The following AGPS variants were observed in gnomAD, a reference collection of about 807,000 sequenced individuals.
AGPS encodes alkyldihydroxyacetonephosphate synthase, peroxisomal.
AGPS carries 26 observed loss-of-function variants against 90.7 expected under a neutral mutation model. That is an observed-to-expected ratio of 0.29 (90% CI 0.21 to 0.40). The LOEUF (loss-of-function observed/expected upper bound fraction) is 0.40. AGPS is among the 10% of genes least tolerant of loss of function. AGPS has a pLI of 1.00. For missense variants in AGPS, 540 were observed against 816.1 expected, an observed-to-expected ratio of 0.66 and a Z score of 4.12; for synonymous variants, 294 against 285.3, an observed-to-expected ratio of 1.03 and a Z score of -0.31.
chr2:177,497,042 C>T (rs1043333488), intron 12 of AGPS, among the ~76,000 whole-genome samples: 13 of 151,986 alleles, frequency 8.6e-5, no homozygotes, highest in African/African-American at 2.7e-4. Flanking sequence ...TGAGTCGTTA[C>T]TACTTTCTGA....
At chr2:177,533,485 T>C (rs2079155994) in intron 19 of AGPS, among the ~76,000 whole-genome samples, 1 of 152,162 alleles carries the variant, frequency 6.6e-6, no homozygotes, top group Non-Finnish European at 1.5e-5. Flanking sequence ...GCTGTACCTT[T>C]AGTAGCTTCT....
At position 177,522,662 on chromosome 2, in the gene AGPS, C is replaced by G. The variant is rs148101722; in HGVS notation, c.1798-1086C>G. On this transcript the variant is annotated intron_variant, in intron 18 of 19. Coordinates refer to ENST00000264167, the MANE Select transcript of AGPS (RefSeq NM_003659.4). ...TAGAGACAGGGTTTCACCAGTTGGC[C>G]AGGCTGGTCTCAAACTCCTGACCTC... 4.0e-3 allele frequency among the ~76,000 whole-genome samples: 612 copies of G among 152,246 alleles called. 5 individuals carry two copies. Among genetic ancestry groups the G allele is most frequent in the East Asian group, 0.032 (167 of 5,166 alleles).
chr2:177,502,623 GT>G (rs1322354302), intron 14 of AGPS, among the ~76,000 whole-genome samples: 3 of 151,748 alleles, frequency 2.0e-5, no homozygotes, highest in Non-Finnish European at 4.4e-5. Flanking sequence ...TAGAGATGGG[GT>G]TTTGCCATGT....
At chr2:177,406,697 T>A (rs1459585411) in intron 1 of AGPS, among the ~76,000 whole-genome samples, 1 of 152,368 alleles carries the variant, frequency 6.6e-6, no homozygotes, top group East Asian at 1.9e-4. Context: ...GTAGAAGCAA[T>A]GAACATGGAA....
Position 177,455,238 on chromosome 2 carries a change from C to T in AGPS, c.871-6655C>T, listed in dbSNP as rs192598276. On this transcript the variant is annotated intron_variant, in intron 8 of 19. Transcript: ENST00000264167. ...AGATCTCCAGGCACCTCTCTTTGTGCTGCTTTTTTCTGTACTTTTTCCTGT... is the reference window on the plus strand; with the variant it reads ...AGATCTCCAGGCACCTCTCTTTGTGTTGCTTTTTTCTGTACTTTTTCCTGT... Among the ~76,000 whole-genome samples, 764 of 152,254 alleles carry T rather than the reference C, an allele frequency of 5.0e-3. 6 individuals are homozygous for T. The highest frequency in any genetic ancestry group is 8.0e-3 in the Non-Finnish European group (547 of 68,024).
chr2:177,451,554 T>G (rs929280274), intron 8 of AGPS, among the ~76,000 whole-genome samples: 1 of 152,172 alleles, frequency 6.6e-6, no homozygotes, highest in African/African-American at 2.4e-5. Context: ...CTGATTGTAC[T>G]GGCCAGATAA....
At chr2:177,445,170 A>G (rs1311918518) in intron 7 of AGPS, among the ~76,000 whole-genome samples, 1 of 152,212 alleles carries the variant, frequency 6.6e-6, no homozygotes, top group Non-Finnish European at 1.5e-5. Context: ...GTTTTTTTAC[A>G]TGGAGTACCT....
chr2:177,433,124 A>G (rs1686291787), intron 2 of AGPS, among the ~76,000 whole-genome samples: 1 of 152,240 alleles, frequency 6.6e-6, no homozygotes, highest in Non-Finnish European at 1.5e-5. Flanking sequence ...TAAATCACAG[A>G]GTAAGAGAAA....
rs117363279 is a variant in AGPS, at chr2:177,415,348, A to G, written c.261-4921A>G. 4.0e-3 allele frequency among the ~76,000 whole-genome samples: 612 copies of G among 152,314 alleles called. 5 individuals are homozygous for G. The highest frequency in any genetic ancestry group is 0.032 in the East Asian group (166 of 5,184). On this transcript the variant is annotated intron_variant, in intron 1 of 19. Transcript: ENST00000264167. Reference sequence around the variant, plus strand: ...TTGGGTCATAGAATTGGCATTACCTATGAAAGCTTACTACATGATTGCTCT... The same window carrying G: ...TTGGGTCATAGAATTGGCATTACCTGTGAAAGCTTACTACATGATTGCTCT...
intron 3 of AGPS, 49 bp downstream of exon 3, chr2:177,434,466 C>A: frequency 7.4e-7 from 1 of 1,349,986 alleles, no homozygotes; most frequent in Non-Finnish European, 1.1e-6. Flanking sequence ...GTTTTTAAAA[C>A]CCAAATTAAT....
chr2:177,400,030 T>G (rs1021675629), intron 1 of AGPS, among the ~76,000 whole-genome samples: 1 of 152,202 alleles, frequency 6.6e-6, no homozygotes, highest in Non-Finnish European at 1.5e-5. Flanking sequence ...TTACTTTTGG[T>G]CCGAATAATT....
intron 3 of AGPS, among the ~76,000 whole-genome samples, chr2:177,435,026 T>A (rs1319527652): frequency 6.8e-6 from 1 of 147,472 alleles, no homozygotes; most frequent in African/African-American, 2.5e-5. Flanking sequence ...TATATATATG[T>A]ATGAAACTAA....
At chr2:177,480,278 G>A (rs1319456686) in intron 10 of AGPS, among the ~76,000 whole-genome samples, 8 of 152,028 alleles carry the variant, frequency 5.3e-5, no homozygotes, top group Non-Finnish European at 1.0e-4. Flanking sequence ...ACATGCACAC[G>A]TATGTTTAGT....
At chr2:177,468,093 CGTTA>C (rs1309076542) in intron 9 of AGPS, among the ~76,000 whole-genome samples, 2 of 151,886 alleles carry the variant, frequency 1.3e-5, no homozygotes, top group African/African-American at 4.8e-5. Context: ...TTTTTGAGTC[CGTTA>C]GTTCTGTGCC....
At chr2:177,493,442 G>T (rs140148943) in intron 12 of AGPS, among the ~76,000 whole-genome samples, 24 of 152,330 alleles carry the variant, frequency 1.6e-4, no homozygotes, top group African/African-American at 5.3e-4. Flanking sequence ...TCTTGATTTT[G>T]CTTGAGGATA....
chr2:177,512,905 G>C (rs1348155276), intron 16 of AGPS, among the ~76,000 whole-genome samples: 1 of 151,734 alleles, frequency 6.6e-6, no homozygotes, highest in African/African-American at 2.4e-5. Flanking sequence ...GTGCAGTAGT[G>C]CGATGTTGGC....
intron 8 of AGPS, among the ~76,000 whole-genome samples, chr2:177,449,202 G>A (rs1686864540): frequency 6.6e-6 from 1 of 152,154 alleles, no homozygotes; most frequent in Non-Finnish European, 1.5e-5. Flanking sequence ...CTTTCGGTAA[G>A]TAACTGGAAA....
At chr2:177,485,788 G>T (rs1028764330) in intron 11 of AGPS, among the ~76,000 whole-genome samples, 6 of 152,082 alleles carry the variant, frequency 3.9e-5, no homozygotes, top group Admixed American at 6.5e-5. Flanking sequence ...ATGGAGGCAT[G>T]TGCCTGTAAT....
intron 18 of AGPS, among the ~76,000 whole-genome samples, chr2:177,523,142 G>A (rs1306997660): frequency 6.6e-6 from 1 of 152,150 alleles, no homozygotes; most frequent in East Asian, 1.9e-4. Context: ...GACCTAAGAA[G>A]TGTTCTCCAT....
Sources: allele counts gnomAD v4.1 joint callset (sites outside exome capture counted in the v4.1 genomes callset), GRCh38; gene constraint gnomAD v4.1.1; transcripts MANE v1.5; gene names NCBI Gene and HGNC (gene_info 2026-07-23, HGNC 2026-07-21).